Variants in RP1 observed in about 807,000 individuals in gnomAD.
The protein encoded by RP1 is oxygen-regulated protein 1.
In RP1, 16 loss-of-function variants were observed where a neutral mutation model predicts 14.8. The observed-to-expected ratio is 1.08, with a 90% CI of 0.73 to 1.65. The LOEUF (loss-of-function observed/expected upper bound fraction) is 1.65, where lower values mean the gene tolerates loss of function less well. Ranked by LOEUF, RP1 falls within the 40% of genes most tolerant of loss-of-function variation. The pLI is 0.00. For synonymous variants in RP1, 876 were observed against 883.6 expected (o/e 0.99, Z 0.15); for missense variants, 2,631 against 2,535.0 (o/e 1.04, Z -0.81).
In RP1 at chr8:54,626,563, C is replaced by A; in HGVS notation, c.2681C>A (p.Ser894Tyr). The A allele has an allele frequency of 1.2e-6, 2 of 1,613,548 alleles. No individual in the cohort carries two copies. Among genetic ancestry groups the A allele is most frequent in the Non-Finnish European group, 8.5e-7 (1 of 1,179,882 alleles). The stretch of plus-strand genomic sequence containing the variant: ...CAACATGCTACAACCAGGGCAAATT[C>A]TTTAGCTTCTTTGAAAAAACCTGAT... ...SKQHATTRAN[S>Y]LASLKKPDFP... The change falls in exon 4 of 4, where the codon TCT becomes TAT. Residue 894 changes from serine to tyrosine, a missense_variant. Transcript: ENST00000220676.
At chr8:54,757,450 T>C (rs1363783399) in intron 21 of RP1, among the ~76,000 whole-genome samples, 1 of 152,208 alleles carries the variant, frequency 6.6e-6, no homozygotes, top group Non-Finnish European at 1.5e-5. Context: ...GTGAGGGTAA[T>C]TTATCTGGGA....
intron 1 of RP1, among the ~76,000 whole-genome samples, chr8:54,600,780 C>T (rs777423114): frequency 7.2e-5 from 11 of 152,150 alleles, no homozygotes; most frequent in Non-Finnish European, 1.5e-4. Context: ...TTTCCTGGAC[C>T]CTTGGCCAGA....
chr8:54,867,084 C>T (rs192637225), intron 28 of RP1, among the ~76,000 whole-genome samples: 73 of 152,270 alleles, frequency 4.8e-4, no homozygotes, highest in African/African-American at 1.6e-3. Context: ...CTACATGAAG[C>T]TGGAGAGCTG....
rs118048512 is a variant in RP1, at chr8:54,665,317, C to T, written c.1323+1467C>T. 4.0e-3 allele frequency among the ~76,000 whole-genome samples: 612 copies of T among 152,244 alleles called. 11 individuals carry two copies. Among genetic ancestry groups the T allele is most frequent in the East Asian group, 0.026 (135 of 5,180 alleles). The stretch of plus-strand genomic sequence containing the variant: ...ACCTCTCCCAAACTTGTGAGACTGG[C>T]TTCATGTAGGAAATAGACCTCACTG... On this transcript the variant is annotated intron_variant, in intron 7 of 22. Coordinates refer to the RP1 transcript ENST00000636932.
intron 24 of RP1, among the ~76,000 whole-genome samples, chr8:54,821,826 A>G (rs762057357): frequency 2.2e-4 from 33 of 152,188 alleles, no homozygotes; most frequent in Non-Finnish European, 3.5e-4. Flanking sequence ...GCACACCACT[A>G]AAAAGAATCA....
At chr8:54,835,347 G>A (rs1451137325) in intron 24 of RP1, among the ~76,000 whole-genome samples, 1 of 152,094 alleles carries the variant, frequency 6.6e-6, no homozygotes, top group Non-Finnish European at 1.5e-5. Flanking sequence ...GTTCTAGTTG[G>A]CTAACCCAGG....
In RP1 at chr8:54,625,053, G is replaced by A. The variant is rs1342592971; in HGVS notation, c.1171G>A (p.Val391Met). Residue 391 changes from valine to methionine, a missense_variant, in exon 4 of 4, where the codon GTG becomes ATG. Physicochemically the swap from Val to Met is conservative, Grantham distance 21. Coordinates refer to ENST00000220676, the MANE Select transcript of RP1 (RefSeq NM_006269.2). ...KLAACSFSAD[V>M]SPMERSSNQE... is the part of the protein sequence containing the mutation. ...TGCAGCATGTTCATTCTCTGCAGATGTGTCACCTATGGAGCGAAGCAGTAA... is the reference window on the plus strand; with the variant it reads ...TGCAGCATGTTCATTCTCTGCAGATATGTCACCTATGGAGCGAAGCAGTAA... 6.2e-7 allele frequency: 1 copy of A among 1,614,204 alleles called. No individual in the cohort carries two copies. The highest frequency in any genetic ancestry group is 8.5e-7 in the Non-Finnish European group (1 of 1,180,046).
chr8:54,787,483 T>C (rs1308453718), intron 24 of RP1, among the ~76,000 whole-genome samples: 1 of 152,184 alleles, frequency 6.6e-6, no homozygotes, highest in East Asian at 1.9e-4. Context: ...ATTTTTCTTG[T>C]GATCCTTCTC....
chr8:54,803,756 A>G (rs1398382551), intron 24 of RP1, among the ~76,000 whole-genome samples: 2 of 152,194 alleles, frequency 1.3e-5, no homozygotes, highest in Non-Finnish European at 2.9e-5. Context: ...TATTACATGT[A>G]TACATGGTTT....
intron 24 of RP1, among the ~76,000 whole-genome samples, chr8:54,824,836 A>G (rs1811343797): frequency 1.3e-5 from 2 of 152,258 alleles, no homozygotes; most frequent in African/African-American, 4.8e-5. Flanking sequence ...TAATTGATGC[A>G]GAAGTAGCAT....
In RP1 at chr8:54,662,548, G is replaced by A. The variant is rs372900533; in HGVS notation, c.1172-1151G>A. ...CTTCTTCCTAGGCACAAGGATGTAA[G>A]AAAATAGAGAAATGCAAGTAAAAAA... is the stretch of plus-strand genomic sequence containing the variant. On this transcript the variant is annotated intron_variant, in intron 6 of 22. Transcript: ENST00000636932. Among the ~76,000 whole-genome samples the A allele has an allele frequency of 1.4e-3, 217 of 152,246 alleles. 6 individuals carry two copies. The South Asian group carries it at 0.044, about 31-fold the overall frequency.
rs1806035270 is a variant in RP1 at position 54,626,042 on chromosome 8, C to T, written c.2160C>T (p.Pro720=). The T allele has an allele frequency of 2.5e-6, 4 of 1,613,738 alleles. No homozygotes were observed. In the East Asian group the frequency reaches 8.9e-5, roughly 36 times the overall value. ...KEMIVQDSDS[P]LKGGILCEED... ...TGATAGTGCAAGATTCAGATAGTCC[C>T]CTTAAAGGAGGGATACTTTGTGAGG... Residue 720 remains proline, a synonymous_variant, in exon 4 of 4, where the codon CCC becomes CCT. Transcript: ENST00000220676.
At chr8:54,609,711 G>C (rs1805546446) in intron 1 of RP1, among the ~76,000 whole-genome samples, 1 of 152,034 alleles carries the variant, frequency 6.6e-6, no homozygotes, top group South Asian at 2.1e-4. Context: ...ATCCCAGGTC[G>C]CTGAGATGGA....
At chr8:54,585,218 C>T (rs183042714) in intron 1 of RP1, among the ~76,000 whole-genome samples, 128 of 152,270 alleles carry the variant, frequency 8.4e-4, no homozygotes, top group African/African-American at 2.7e-3. Flanking sequence ...TCAGCATTTG[C>T]TTGTCTGTAA....
At chr8:54,801,349 G>A (rs528061328) in intron 24 of RP1, among the ~76,000 whole-genome samples, 3 of 152,282 alleles carry the variant, frequency 2.0e-5, no homozygotes, top group South Asian at 2.1e-4. Flanking sequence ...TTAGCCAGGC[G>A]TTGCAAACCT....
chr8:54,610,917 C>G (rs946397549), intron 1 of RP1, among the ~76,000 whole-genome samples: 2 of 152,176 alleles, frequency 1.3e-5, no homozygotes, highest in East Asian at 3.9e-4. Flanking sequence ...TCTTGAGGAG[C>G]AGGTCTATTG....
chr8:54,752,766 T>C (rs1809407918), intron 19 of RP1, among the ~76,000 whole-genome samples: 1 of 152,162 alleles, frequency 6.6e-6, no homozygotes, highest in Non-Finnish European at 1.5e-5. Context: ...AGCTTCTGGA[T>C]GTTGGAGGAA....
intron 1 of RP1, among the ~76,000 whole-genome samples, chr8:54,592,788 G>A (rs1366629177): frequency 2.6e-5 from 4 of 152,112 alleles, no homozygotes; most frequent in Admixed American, 6.6e-5. Context: ...TTTCATGCTT[G>A]TTGCCCCTTA....
chr8:54,575,587 G>A (rs1229647132), intron 1 of RP1, among the ~76,000 whole-genome samples: 1 of 152,080 alleles, frequency 6.6e-6, no homozygotes, highest in Non-Finnish European at 1.5e-5. Flanking sequence ...AAGTTATTAC[G>A]ACAATCGTCA....
Sources: allele counts gnomAD v4.1 joint callset (sites outside exome capture counted in the v4.1 genomes callset), GRCh38; gene constraint gnomAD v4.1.1; transcripts MANE v1.5; gene names NCBI Gene and HGNC (gene_info 2026-07-23, HGNC 2026-07-21).